Variants in RTN3 observed in about 807,000 individuals in gnomAD.
RTN3 encodes reticulon-3.
RTN3 carries 49 observed loss-of-function variants against 77.8 expected under a neutral mutation model. That is an observed-to-expected ratio of 0.63 (90% CI 0.50 to 0.80). The LOEUF (loss-of-function observed/expected upper bound fraction) is 0.80, where lower values mean the gene tolerates loss of function less well. Ranked by LOEUF, RTN3 falls within the 30% of genes least tolerant of loss-of-function variation. The pLI, the probability that RTN3 is intolerant of heterozygous loss-of-function variation, is 0.00. For synonymous variants in RTN3, 464 were observed against 446.9 expected (o/e 1.04, Z -0.48); for missense variants, 1,236 against 1,211.9 (o/e 1.02, Z -0.29).
Position 63,752,570 on chromosome 11 carries a change from C to T in RTN3, c.2802C>T (p.Ala934=). 1 of 1,613,104 alleles carries T rather than the reference C, an allele frequency of 6.2e-7. No individual in the cohort carries two copies. The highest frequency in any genetic ancestry group is 8.5e-7 in the Non-Finnish European group (1 of 1,179,132). The change falls in exon 5 of 9, where the codon GCC becomes GCT. Residue 934 remains alanine, a synonymous_variant. Coordinates refer to ENST00000377819, the MANE Select transcript of RTN3 (RefSeq NM_001265589.2). ...CTTTCCATAATTACATGAATGCTGC[C>T]ATGGTGCACATCAACAGGGCCCTGA... is the stretch of plus-strand genomic sequence containing the variant. ...SEAFHNYMNA[A]MVHINRALKL... is the part of the protein sequence containing the mutation.
intron 1 of RTN3, among the ~76,000 whole-genome samples, chr11:63,704,110 C>G (rs565972809): frequency 6.6e-6 from 1 of 151,866 alleles, no homozygotes; most frequent in South Asian, 2.1e-4. Flanking sequence ...TCAAGTGATT[C>G]TCCTGCCTCA....
At chr11:63,702,906 C>T (rs535228782) in intron 1 of RTN3, among the ~76,000 whole-genome samples, 90 of 148,428 alleles carry the variant, frequency 6.1e-4, no homozygotes, top group Non-Finnish European at 1.1e-3. Context: ...AGGATGGTCT[C>T]AACCTCCTGA....
chr11:63,706,451 T>C (rs1441236618), intron 2 of RTN3, among the ~76,000 whole-genome samples: 1 of 152,142 alleles, frequency 6.6e-6, no homozygotes, highest in Non-Finnish European at 1.5e-5. Context: ...CCTTCCACCT[T>C]AGCCATCCAC....
chr11:63,708,297 A>G (rs1490640534), intron 2 of RTN3, among the ~76,000 whole-genome samples: 1 of 152,038 alleles, frequency 6.6e-6, no homozygotes, highest in Non-Finnish European at 1.5e-5. Flanking sequence ...GTCTATTTTT[A>G]TATACCCCAA....
intron 1 of RTN3, among the ~76,000 whole-genome samples, chr11:63,684,129 G>GT (rs61663789): frequency 0.024 from 2,024 of 85,098 alleles, 45 homozygotes; most frequent in African/African-American, 0.087. Flanking sequence ...TTTTCTTTTG[G>GT]TTTTTTTTTT....
chr11:63,707,832 C>T (rs550984077), intron 2 of RTN3, among the ~76,000 whole-genome samples: 15 of 152,114 alleles, frequency 9.9e-5, no homozygotes, highest in African/African-American at 2.4e-4. Flanking sequence ...AGCAAAACTC[C>T]GTCTCAAAAA....
At chr11:63,716,782 G>A (rs1454236847) in intron 2 of RTN3, among the ~76,000 whole-genome samples, 8 of 152,020 alleles carry the variant, frequency 5.3e-5, no homozygotes, top group Non-Finnish European at 1.0e-4. Flanking sequence ...TGGCTAACAC[G>A]GTGAAACCCC....
intron 3 of RTN3, among the ~76,000 whole-genome samples, chr11:63,724,883 A>C (rs954555295): frequency 2.0e-5 from 3 of 151,944 alleles, no homozygotes; most frequent in African/African-American, 7.3e-5. Flanking sequence ...TCGGTGTCTT[A>C]ACAATTAGAG....
chr11:63,731,746 G>A (rs370535518), intron 3 of RTN3, among the ~76,000 whole-genome samples: 7 of 152,078 alleles, frequency 4.6e-5, no homozygotes, highest in East Asian at 1.9e-4. Flanking sequence ...TCTGCCTCCC[G>A]GGTTCAAACG....
In RTN3 at chr11:63,734,764, CA is replaced by C. The variant is rs1565333343; in HGVS notation, c.2530+13733del. On this transcript the variant is annotated intron_variant, in intron 3 of 8. Transcript: ENST00000377819. ...ACACACACACACACACACACACACA[CA>C]CACACACACACACACACCATACTGG... Among the ~76,000 whole-genome samples the C allele has an allele frequency of 5.4e-4, 81 of 150,782 alleles. 1 individual carries two copies. Among genetic ancestry groups the C allele is most frequent in the Middle Eastern group, 3.4e-3 (1 of 292 alleles).
intron 2 of RTN3, among the ~76,000 whole-genome samples, chr11:63,708,220 A>G (rs1165202795): frequency 2.0e-5 from 3 of 152,208 alleles, no homozygotes; most frequent in African/African-American, 4.8e-5. Context: ...TGAGTCCGTC[A>G]CTGACACTAA....
chr11:63,696,866 TTTCTTTCTTTCTTTC>T (rs1408512353), intron 1 of RTN3, among the ~76,000 whole-genome samples: 48 of 60,914 alleles, frequency 7.9e-4, no homozygotes, highest in Middle Eastern at 0.013. Flanking sequence ...ATTTTCTTTC[TTTCTTTCTTTCTTTC>T]TTTTTTTTTT....
chr11:63,709,043 AT>A (rs1942624775), intron 2 of RTN3, among the ~76,000 whole-genome samples: 1 of 152,224 alleles, frequency 6.6e-6, no homozygotes, highest in Non-Finnish European at 1.5e-5. Flanking sequence ...TGACTTGAAA[AT>A]GGTGAAATCA....
At chr11:63,713,955 T>G (rs1287812561) in intron 2 of RTN3, 3 of 512,412 alleles carry the variant, frequency 5.9e-6, no homozygotes, top group Non-Finnish European at 1.2e-5. Flanking sequence ...ACTGGACTTT[T>G]CTGTCCTTTT....
Position 63,758,771 on chromosome 11 carries a change from T to C in RTN3, c.*570T>C, listed in dbSNP as rs947880747. 2 of 162,922 alleles carry C rather than the reference T, an allele frequency of 1.2e-5. No homozygotes were observed. Among genetic ancestry groups the C allele is most frequent in the Non-Finnish European group, 2.7e-5 (2 of 75,152 alleles). 10.1% of individuals were successfully genotyped at this position (162,922 alleles called of 1,614,324 possible). ...AACTTGATAAATAACTTATAGGTGA[T>C]AGTGATAATTCCTGATTCCAAGAAT... is the stretch of plus-strand genomic sequence containing the variant. On this transcript the variant is annotated 3_prime_UTR_variant, in exon 9 of 9. Transcript: ENST00000377819.
At chr11:63,728,835 C>A (rs540576053) in intron 3 of RTN3, among the ~76,000 whole-genome samples, 1 of 147,840 alleles carries the variant, frequency 6.8e-6, no homozygotes, top group African/African-American at 2.5e-5. Flanking sequence ...TGCAGTGAGC[C>A]GGGATTGCGC....
At chr11:63,681,462 G>A (rs894590593), upstream of RTN3, 9 of 597,566 alleles carry the variant, frequency 1.5e-5, no homozygotes, top group Admixed American at 8.6e-5. Context: ...ATGCGCGCTC[G>A]CGCTCCCGCC....
intron 3 of RTN3, among the ~76,000 whole-genome samples, chr11:63,732,899 G>A (rs768811114): frequency 1.3e-5 from 2 of 152,142 alleles, no homozygotes; most frequent in Admixed American, 6.5e-5. Flanking sequence ...ATTCATGAAC[G>A]TAAATGAAAA....
intron 1 of RTN3, among the ~76,000 whole-genome samples, chr11:63,689,331 T>C (rs1941535594): frequency 6.6e-6 from 1 of 152,234 alleles, no homozygotes; most frequent in Non-Finnish European, 1.5e-5. Flanking sequence ...TCTGTTCATT[T>C]ATGACAGCTA....
Sources: gnomAD v4.1 joint callset for allele counts (sites outside exome capture counted in the v4.1 genomes callset) on GRCh38, gnomAD v4.1.1 for gene constraint, MANE v1.5 for transcripts, NCBI Gene and HGNC (gene_info 2026-07-23, HGNC 2026-07-21) for gene names.